Variants in PLCB1 observed in about 807,000 individuals in gnomAD.
The protein encoded by PLCB1 is 1-phosphatidylinositol 4,5-bisphosphate phosphodiesterase beta-1.
In PLCB1, 46 loss-of-function variants were observed where a neutral mutation model predicts 161.8. That is an observed-to-expected ratio of 0.28 (90% confidence interval 0.22 to 0.36). The LOEUF is 0.36. PLCB1 is among the 10% of genes least tolerant of loss of function. The pLI is 1.00. For synonymous variants in PLCB1, 517 were observed against 503.7 expected (o/e 1.03, Z -0.35); for missense variants, 1,016 against 1,472.5 (o/e 0.69, Z 5.07).
chr20:8,270,558 G>C lies in PLCB1; in HGVS notation c.178-100824G>C, dbSNP rs183217437. 2.5e-3 allele frequency among the ~76,000 whole-genome samples: 387 copies of C among 152,174 alleles called. 2 individuals carry two copies. The highest frequency in any genetic ancestry group is 0.014 in the Middle Eastern group (4 of 294). On this transcript the variant is annotated intron_variant, in intron 2 of 31. Coordinates refer to ENST00000338037, the MANE Select transcript of PLCB1 (RefSeq NM_015192.4). ...TTACAGCATCTTCAGTTAATGAGGA[G>C]AAACTATATGTGCTTAGATTGATAG...
At chr20:8,409,098 A>G (rs911433940) in intron 3 of PLCB1, among the ~76,000 whole-genome samples, 1 of 152,186 alleles carries the variant, frequency 6.6e-6, no homozygotes, top group African/African-American at 2.4e-5. Flanking sequence ...ACATTCACTT[A>G]CCATGTGTTC....
intron 3 of PLCB1, among the ~76,000 whole-genome samples, chr20:8,586,549 C>T (rs1302208397): frequency 6.6e-6 from 1 of 152,076 alleles, no homozygotes; most frequent in Non-Finnish European, 1.5e-5. Flanking sequence ...CAGAGCCAGG[C>T]TTGATAATTA....
At chr20:8,833,019 C>A (rs1986089739) in intron 31 of PLCB1, among the ~76,000 whole-genome samples, 1 of 152,100 alleles carries the variant, frequency 6.6e-6, no homozygotes, top group Non-Finnish European at 1.5e-5. Context: ...TTCCTGGAAC[C>A]TGTGAATGTT....
chr20:8,545,153 C>T (rs1427987936), intron 3 of PLCB1, among the ~76,000 whole-genome samples: 1 of 152,190 alleles, frequency 6.6e-6, no homozygotes, highest in African/African-American at 2.4e-5. Flanking sequence ...AAACACTTGT[C>T]TCTCGGAAAC....
intron 1 of PLCB1, among the ~76,000 whole-genome samples, chr20:8,139,625 T>C (rs571157692): frequency 6.6e-6 from 1 of 151,990 alleles, no homozygotes; most frequent in South Asian, 2.1e-4. Flanking sequence ...TAGTTAAGAG[T>C]AAGGGAAATT....
intron 25 of PLCB1, among the ~76,000 whole-genome samples, chr20:8,762,567 T>C (rs1982097263): frequency 6.6e-6 from 1 of 152,194 alleles, no homozygotes; most frequent in Non-Finnish European, 1.5e-5. Flanking sequence ...AAACCACTTT[T>C]AAAGAAATAG....
chr20:8,237,337 T>A (rs746368706), intron 2 of PLCB1, among the ~76,000 whole-genome samples: 6 of 151,972 alleles, frequency 3.9e-5, no homozygotes, highest in Non-Finnish European at 8.8e-5. Flanking sequence ...TGCTCTAGTG[T>A]CAAGGGAAAT....
chr20:8,744,927 C>T (rs1981091282), intron 23 of PLCB1, among the ~76,000 whole-genome samples: 1 of 151,994 alleles, frequency 6.6e-6, no homozygotes, highest in Non-Finnish European at 1.5e-5. Context: ...TACAAAAATA[C>T]AGAAGTAGAG....
chr20:8,622,432 C>CAG (rs1249389811), intron 3 of PLCB1, among the ~76,000 whole-genome samples: 1 of 152,152 alleles, frequency 6.6e-6, no homozygotes, highest in East Asian at 1.9e-4. Flanking sequence ...GGCTCACTCA[C>CAG]AGAGGTTACC....
At chr20:8,416,094 A>C (rs73897476) in intron 3 of PLCB1, among the ~76,000 whole-genome samples, 20 of 152,210 alleles carry the variant, frequency 1.3e-4, no homozygotes, top group Admixed American at 3.9e-4. Flanking sequence ...AGGTTAAGGA[A>C]TCTCCAAAAC....
chr20:8,750,008 A>G (rs1981373716), intron 23 of PLCB1, among the ~76,000 whole-genome samples: 1 of 152,174 alleles, frequency 6.6e-6, no homozygotes, highest in African/African-American at 2.4e-5. Flanking sequence ...TGGCCATTAT[A>G]TATGTAATGC....
Position 8,521,092 on chromosome 20 carries a change from A to G in PLCB1, c.247-107202A>G, listed in dbSNP as rs369438630. 7.2e-5 allele frequency among the ~76,000 whole-genome samples: 11 copies of G among 152,218 alleles called. No homozygotes were observed. In the East Asian group the frequency reaches 2.1e-3, roughly 29 times the overall value. Reference sequence around the variant, plus strand: ...CCAAGTACTCTTGAGGTGCAAAAAGAAAAGGCTAATTATAAATTATTCTTA... The same window carrying G: ...CCAAGTACTCTTGAGGTGCAAAAAGGAAAGGCTAATTATAAATTATTCTTA... On this transcript the variant is annotated intron_variant, in intron 3 of 31. Coordinates refer to ENST00000338037, the MANE Select transcript of PLCB1 (RefSeq NM_015192.4).
At chr20:8,278,590 A>G (rs1372468215) in intron 2 of PLCB1, among the ~76,000 whole-genome samples, 2 of 151,938 alleles carry the variant, frequency 1.3e-5, no homozygotes, top group Non-Finnish European at 2.9e-5. Context: ...CAATAAATGT[A>G]TAAAAGTGTT....
At chr20:8,274,783 T>C (rs1982449463) in intron 2 of PLCB1, among the ~76,000 whole-genome samples, 1 of 152,180 alleles carries the variant, frequency 6.6e-6, no homozygotes, top group African/African-American at 2.4e-5. Flanking sequence ...CATAATATAA[T>C]ATTTTTGGAG....
Position 8,521,728 on chromosome 20 carries a change from C to T in PLCB1, c.247-106566C>T, listed in dbSNP as rs149550078. On this transcript the variant is annotated intron_variant, in intron 3 of 31. Transcript: ENST00000338037. ...ACAGAATCCAATACATCCAATGATC[C>T]AATGGAATGCTAGTTCAAATACATT... Among the ~76,000 whole-genome samples the T allele has an allele frequency of 2.6e-4, 39 of 152,234 alleles. No individual in the cohort carries two copies. In the East Asian group the frequency reaches 7.2e-3, roughly 28 times the overall value.
intron 2 of PLCB1, among the ~76,000 whole-genome samples, chr20:8,199,673 C>A (rs2052070184): frequency 1.3e-5 from 2 of 151,988 alleles, no homozygotes; most frequent in Non-Finnish European, 2.9e-5. Context: ...TCAGTAACTG[C>A]AAATAATTTT....
chr20:8,136,837 G>A (rs1002595376), intron 1 of PLCB1, among the ~76,000 whole-genome samples: 2 of 152,104 alleles, frequency 1.3e-5, no homozygotes, highest in East Asian at 1.9e-4. Flanking sequence ...GGTGTTTCAC[G>A]GAAAATAAGT....
At chr20:8,744,065 G>A (rs1981020348) in intron 23 of PLCB1, among the ~76,000 whole-genome samples, 1 of 151,756 alleles carries the variant, frequency 6.6e-6, no homozygotes, top group Non-Finnish European at 1.5e-5. Flanking sequence ...GACCTATTAG[G>A]TACAATGCAT....
intron 1 of PLCB1, among the ~76,000 whole-genome samples, chr20:8,139,979 T>C (rs1456920138): frequency 1.3e-5 from 2 of 152,190 alleles, no homozygotes; most frequent in Non-Finnish European, 2.9e-5. Context: ...CCTGCATCCT[T>C]TGGGTTGTTT....
Sources: allele counts gnomAD v4.1 joint callset (sites outside exome capture counted in the v4.1 genomes callset), GRCh38; gene constraint gnomAD v4.1.1; transcripts MANE v1.5; gene names NCBI Gene and HGNC (gene_info 2026-07-23, HGNC 2026-07-21).